The following DRC11 variants were observed in gnomAD, a reference collection of about 807,000 sequenced individuals.
The protein encoded by DRC11 is dynein regulatory complex subunit 11.
the DRC11 span, among the ~76,000 whole-genome samples, chr2:236,464,335 AAGT>A: frequency 1.3e-5 from 2 of 152,172 alleles, no homozygotes; most frequent in Admixed American, 6.5e-5. Context: ...TTGAGACCTG[AAGT>A]GATATGATGC....
At chr2:236,414,361 G>A in the DRC11 span, among the ~76,000 whole-genome samples, 1 of 152,176 alleles carries the variant, frequency 6.6e-6, no homozygotes. Flanking sequence ...ATAGTTTTAT[G>A]TTTAAGTCCA....
At chr2:236,448,638 A>G in the DRC11 span, among the ~76,000 whole-genome samples, 1 of 150,998 alleles carries the variant, frequency 6.6e-6, no homozygotes, top group African/African-American at 2.4e-5. The surrounding 1 kb of genome is among the most constrained non-coding windows in gnomAD (Gnocchi z 5.3). Context: ...GCCTGGCTGT[A>G]TTTATTATTA....
the DRC11 span, chr2:236,465,780 T>C: frequency 1.1e-6 from 1 of 917,030 alleles, no homozygotes; most frequent in East Asian, 2.5e-5. The surrounding 1 kb of genome is among the most constrained non-coding windows in gnomAD (Gnocchi z 6.2). Context: ...TATCAGAAAC[T>C]GAACAAATGT....
chr2:236,473,491 C>T, the DRC11 span, among the ~76,000 whole-genome samples: 2 of 152,158 alleles, frequency 1.3e-5, no homozygotes, highest in Non-Finnish European at 1.5e-5. The surrounding 1 kb of genome is among the most constrained non-coding windows in gnomAD (Gnocchi z 4.8). Flanking sequence ...TCAGTAGATG[C>T]GTTTAAAAGT....
the DRC11 span, among the ~76,000 whole-genome samples, chr2:236,477,170 G>T: frequency 1.3e-5 from 2 of 151,960 alleles, no homozygotes; most frequent in Non-Finnish European, 2.9e-5. Context: ...GAGTGCTGGT[G>T]ACACACACAG....
chr2:236,490,331 T>C, the DRC11 span, among the ~76,000 whole-genome samples: 3 of 152,184 alleles, frequency 2.0e-5, no homozygotes, highest in Admixed American at 1.3e-4. The surrounding 1 kb of genome is among the most constrained non-coding windows in gnomAD (Gnocchi z 5.5). Flanking sequence ...AAGGAGCCAA[T>C]TTGAACAGAC....
the DRC11 span, among the ~76,000 whole-genome samples, chr2:236,379,906 AC>A: frequency 6.6e-6 from 1 of 151,482 alleles, no homozygotes; most frequent in Non-Finnish European, 1.5e-5. Context: ...AGGGGAGGGA[AC>A]CCCCAACAGT....
the DRC11 span, chr2:236,488,219 T>C: frequency 1.4e-5 from 20 of 1,476,864 alleles, no homozygotes; most frequent in Non-Finnish European, 1.8e-5. Context: ...GATAAACCAA[T>C]GTTTGAACAT....
At chr2:236,342,290 C>G in the DRC11 span, among the ~76,000 whole-genome samples, 1 of 152,118 alleles carries the variant, frequency 6.6e-6, no homozygotes, top group Non-Finnish European at 1.5e-5. This position sits in a 1 kb window ranked among gnomAD's most constrained non-coding sequence, Gnocchi z 5.8. Flanking sequence ...GGGACAGAGG[C>G]CGGGGCAGGT....
chr2:236,308,101 C>CTG, the DRC11 span, among the ~76,000 whole-genome samples: 1 of 152,330 alleles, frequency 6.6e-6, no homozygotes, highest in East Asian at 1.9e-4. This position sits in a 1 kb window ranked among gnomAD's most constrained non-coding sequence, Gnocchi z 6.0. Context: ...AGACATCGTG[C>CTG]TGTGCTTGCT....
the DRC11 span, among the ~76,000 whole-genome samples, chr2:236,318,748 G>A: frequency 6.6e-6 from 1 of 152,254 alleles, no homozygotes; most frequent in Non-Finnish European, 1.5e-5. The surrounding 1 kb of genome is among the most constrained non-coding windows in gnomAD (Gnocchi z 7.0). Flanking sequence ...TGTATATGCT[G>A]TACATGTGTA....
At chr2:236,429,352 C>T in the DRC11 span, among the ~76,000 whole-genome samples, 8 of 152,346 alleles carry the variant, frequency 5.3e-5, no homozygotes, top group African/African-American at 1.7e-4. This position sits in a 1 kb window ranked among gnomAD's most constrained non-coding sequence, Gnocchi z 5.9. Context: ...AGGTCATCAA[C>T]ACCATCTGCA....
At chr2:236,462,258 A>G in the DRC11 span, among the ~76,000 whole-genome samples, 1 of 152,080 alleles carries the variant, frequency 6.6e-6, no homozygotes. This position sits in a 1 kb window ranked among gnomAD's most constrained non-coding sequence, Gnocchi z 6.4. Flanking sequence ...CTCAGACCCA[A>G]GAGGCTTGGA....
chr2:236,401,577 T>G, the DRC11 span, among the ~76,000 whole-genome samples: 1 of 152,210 alleles, frequency 6.6e-6, no homozygotes, highest in African/African-American at 2.4e-5. This position sits in a 1 kb window ranked among gnomAD's most constrained non-coding sequence, Gnocchi z 4.6. Context: ...CAATGAAATG[T>G]TGAACTCACC....
At chr2:236,450,503 A>G in the DRC11 span, among the ~76,000 whole-genome samples, 1 of 151,544 alleles carries the variant, frequency 6.6e-6, no homozygotes, top group Non-Finnish European at 1.5e-5. Context: ...TATTTTTAGT[A>G]GAGACGGGGT....
the DRC11 span, among the ~76,000 whole-genome samples, chr2:236,462,359 C>G: frequency 2.0e-5 from 3 of 152,100 alleles, no homozygotes; most frequent in African/African-American, 7.2e-5. This position sits in a 1 kb window ranked among gnomAD's most constrained non-coding sequence, Gnocchi z 6.4. Context: ...ACCAGTGCAG[C>G]CATACCACAT....
the DRC11 span, among the ~76,000 whole-genome samples, chr2:236,330,578 C>T: frequency 2.0e-5 from 3 of 152,158 alleles, no homozygotes; most frequent in African/African-American, 7.2e-5. This position sits in a 1 kb window ranked among gnomAD's most constrained non-coding sequence, Gnocchi z 5.5. Context: ...GGGAAATTTT[C>T]CTGATGTTAA....
the DRC11 span, among the ~76,000 whole-genome samples, chr2:236,426,758 T>C: frequency 6.6e-6 from 1 of 152,174 alleles, no homozygotes; most frequent in Admixed American, 6.6e-5. This position sits in a 1 kb window ranked among gnomAD's most constrained non-coding sequence, Gnocchi z 4.1. Flanking sequence ...ACTTCTTCCC[T>C]TCCTATTTGG....
chr2:236,469,065 C>A, the DRC11 span, among the ~76,000 whole-genome samples: 1 of 152,236 alleles, frequency 6.6e-6, no homozygotes, highest in Admixed American at 6.5e-5. This position sits in a 1 kb window ranked among gnomAD's most constrained non-coding sequence, Gnocchi z 5.8. Context: ...AACTTCCTAA[C>A]ACTTCCACAA....
Sources: allele counts gnomAD v4.1 joint callset (sites outside exome capture counted in the v4.1 genomes callset), GRCh38; gene constraint gnomAD v4.1.1; non-coding constraint Gnocchi (gnomAD v3.1); transcripts MANE v1.5; gene names NCBI Gene and HGNC (gene_info 2026-07-23, HGNC 2026-07-21).